GOLM1: variants seen among roughly 807,000 people sequenced by gnomAD.
The protein encoded by GOLM1 is epididymis luminal protein 46.
Under a neutral mutation model 50.5 loss-of-function variants are expected in GOLM1, and 31 were observed. The ratio of observed to expected loss-of-function variants is 0.61; its 90% CI spans 0.46 to 0.83. GOLM1 has a LOEUF of 0.83. Among genes scored for constraint, GOLM1 ranks in the 40% least tolerant of loss-of-function variants. GOLM1 has a pLI of 0.00. For synonymous variants in GOLM1, 178 were observed against 192.8 expected, an observed-to-expected ratio of 0.92 and a Z score of 0.64; for missense variants, 491 against 501.3, an observed-to-expected ratio of 0.98 and a Z score of 0.20.
At chr9:86,080,566 TG>T (rs1180561412) in intron 1 of GOLM1, among the ~76,000 whole-genome samples, 1 of 152,148 alleles carries the variant, frequency 6.6e-6, no homozygotes, top group Non-Finnish European at 1.5e-5. Context: ...AGTGAGAACA[TG>T]GGAGAACTGA....
chr9:86,086,193 G>A (rs1834955636), intron 1 of GOLM1, among the ~76,000 whole-genome samples: 1 of 152,154 alleles, frequency 6.6e-6, no homozygotes, highest in Admixed American at 6.5e-5. Context: ...ATCTCATTAT[G>A]GTTTTGATTT....
chr9:86,074,866 C>A (rs1034734424), intron 3 of GOLM1, among the ~76,000 whole-genome samples: 1 of 152,000 alleles, frequency 6.6e-6, no homozygotes, highest in African/African-American at 2.4e-5. Context: ...GTCTTCCTAA[C>A]TCTTTTTAAA....
intron 9 of GOLM1, among the ~76,000 whole-genome samples, chr9:86,032,455 C>T (rs1180591045): frequency 6.7e-6 from 1 of 149,610 alleles, no homozygotes; most frequent in Non-Finnish European, 1.5e-5. Context: ...GTGTGAGCCA[C>T]CACACTTGGC....
chr9:86,050,490 C>G (rs1833709286), intron 4 of GOLM1, among the ~76,000 whole-genome samples: 1 of 152,090 alleles, frequency 6.6e-6, no homozygotes. Flanking sequence ...ATTGCCTGGT[C>G]CTGGACTTTT....
At chr9:86,030,604 C>T (rs963368943) in intron 9 of GOLM1, among the ~76,000 whole-genome samples, 16 of 152,070 alleles carry the variant, frequency 1.1e-4, no homozygotes, top group African/African-American at 3.6e-4. Flanking sequence ...AACTGCTCCA[C>T]GATAAAGAAC....
intron 1 of GOLM1, among the ~76,000 whole-genome samples, chr9:86,080,869 G>A (rs531017542): frequency 6.6e-6 from 1 of 152,114 alleles, no homozygotes; most frequent in South Asian, 2.1e-4. Flanking sequence ...TCTCTTTTTT[G>A]ACTCTTAAAC....
chr9:86,086,061 A>G (rs1370765074), intron 1 of GOLM1, among the ~76,000 whole-genome samples: 1 of 152,206 alleles, frequency 6.6e-6, no homozygotes, highest in Non-Finnish European at 1.5e-5. Context: ...TGTTTTCCAC[A>G]ATGGTTGAAC....
intron 7 of GOLM1, among the ~76,000 whole-genome samples, chr9:86,035,996 G>C (rs1454150185): frequency 6.6e-6 from 1 of 152,124 alleles, no homozygotes; most frequent in East Asian, 1.9e-4. Flanking sequence ...TGGGAGCCAG[G>C]GCAGGCAGGC....
chr9:86,031,463 T>G (rs1410053906), intron 9 of GOLM1, among the ~76,000 whole-genome samples: 33 of 146,294 alleles, frequency 2.3e-4, no homozygotes, highest in African/African-American at 8.3e-4. Context: ...TTTTTTTTTT[T>G]TTTTTTTTTT....
Position 86,060,903 on chromosome 9 carries a change from AAAAAAAAAAAAG to A in GOLM1, c.310-8324_310-8313del, listed in dbSNP as rs1367822168. The stretch of plus-strand genomic sequence containing the variant: ...AAAAAAAAAAAAAAAAAAAAAAAAA[AAAAAAAAAAAAG>A]AAGAAGAAGAAGAAGTTACACAACA... On this transcript the variant is annotated intron_variant, in intron 3 of 9. Transcript: ENST00000388712. 2.7e-3 allele frequency among the ~76,000 whole-genome samples: 205 copies of A among 76,262 alleles called. 20 individuals carry two copies. Among genetic ancestry groups the A allele is most frequent in the African/African-American group, 0.021 (176 of 8,304 alleles). The allele number at this position is 76,262 out of a possible 152,430, so 50.0% of individuals were successfully genotyped here.
chr9:86,045,716 GT>G (rs1564344349), intron 5 of GOLM1, among the ~76,000 whole-genome samples: 1 of 148,566 alleles, frequency 6.7e-6, no homozygotes, highest in African/African-American at 2.5e-5. Flanking sequence ...ACACACACAC[GT>G]ACATAACGCA....
chr9:86,052,321 C>T (rs1369123065), intron 4 of GOLM1, among the ~76,000 whole-genome samples: 1 of 152,164 alleles, frequency 6.6e-6, no homozygotes, highest in East Asian at 1.9e-4. Context: ...TCTTCTGTAC[C>T]TAACAGCTTG....
At chr9:86,031,102 C>T (rs919079054) in intron 9 of GOLM1, among the ~76,000 whole-genome samples, 3 of 151,882 alleles carry the variant, frequency 2.0e-5, no homozygotes, top group South Asian at 4.2e-4. Flanking sequence ...CTCAGCTGCT[C>T]GGGAGGCTGA....
chr9:86,063,636 T>C (rs1458256737), intron 3 of GOLM1, among the ~76,000 whole-genome samples: 2 of 152,174 alleles, frequency 1.3e-5, no homozygotes, highest in Admixed American at 6.5e-5. Flanking sequence ...GTATTTCCCA[T>C]CAAACGCCTG....
At position 86,026,740 on chromosome 9, in the gene GOLM1, A is replaced by ATT; in HGVS notation, c.*1075_*1076dup. ...AACCTTAATGCCATTGTTATTGTGAATTAGGATTAAGTAGTAATTTTCAAA... is the reference window on the plus strand; with the variant it reads ...AACCTTAATGCCATTGTTATTGTGAATTTTAGGATTAAGTAGTAATTTTCAAA... On this transcript the variant is annotated 3_prime_UTR_variant, in exon 10 of 10. Transcript: ENST00000388712. 1 of 983,230 alleles carries ATT rather than the reference A, an allele frequency of 1.0e-6. No individual in the cohort carries two copies. The highest frequency in any genetic ancestry group is 1.2e-6 in the Non-Finnish European group (1 of 827,904). 60.9% of individuals were successfully genotyped at this position (983,230 alleles called of 1,614,324 possible). A position where few individuals can be genotyped will look rare whatever the true frequency, so the allele number is the denominator to read the frequency against.
At chr9:86,068,559 C>T (rs1039098130) in intron 3 of GOLM1, among the ~76,000 whole-genome samples, 2 of 152,218 alleles carry the variant, frequency 1.3e-5, no homozygotes, top group Non-Finnish European at 2.9e-5. Context: ...GACAGCTGCA[C>T]TTACTGCCAG....
intron 1 of GOLM1, among the ~76,000 whole-genome samples, chr9:86,089,435 T>A (rs148442861): frequency 0.036 from 5,454 of 152,230 alleles, 293 homozygotes; most frequent in East Asian, 0.27. Flanking sequence ...TCCATATTTG[T>A]TGGAGGCTTT....
intron 3 of GOLM1, among the ~76,000 whole-genome samples, chr9:86,064,924 T>C (rs1241239668): frequency 6.6e-6 from 1 of 152,188 alleles, no homozygotes; most frequent in Non-Finnish European, 1.5e-5. Context: ...CCAGAATCAT[T>C]TCCAGTGGGA....
chr9:86,069,944 T>G (rs756427247), intron 3 of GOLM1, among the ~76,000 whole-genome samples: 1 of 152,102 alleles, frequency 6.6e-6, no homozygotes. Flanking sequence ...AGTGCAGTAG[T>G]GCAGTCCTGG....
Sources: allele counts gnomAD v4.1 joint callset (sites outside exome capture counted in the v4.1 genomes callset), GRCh38; gene constraint gnomAD v4.1.1; transcripts MANE v1.5; gene names NCBI Gene and HGNC (gene_info 2026-07-23, HGNC 2026-07-21).